Variants in IGF1R observed in about 807,000 individuals in gnomAD.
IGF1R encodes insulin like growth factor 1 receptor.
Under a neutral mutation model 144.6 loss-of-function variants are expected in IGF1R, and 44 were observed. The ratio of observed to expected loss-of-function variants is 0.30; its 90% CI spans 0.24 to 0.39. The LOEUF (loss-of-function observed/expected upper bound fraction) is 0.39, where lower values mean the gene tolerates loss of function less well. IGF1R is among the 10% of genes least tolerant of loss of function. The pLI is 1.00. For missense variants in IGF1R, 1,355 were observed against 1,833.7 expected (o/e 0.74, Z 4.77); for synonymous variants, 795 against 722.8 (o/e 1.10, Z -1.60).
chr15:98,752,813 A>G (rs1423055249), intron 2 of IGF1R, among the ~76,000 whole-genome samples: 1 of 152,250 alleles, frequency 6.6e-6, no homozygotes, highest in Non-Finnish European at 1.5e-5. Flanking sequence ...ACATAATTCA[A>G]TTTTAGTTAA....
Position 98,913,348 on chromosome 15 carries a change from C to T in IGF1R, c.1828+66C>T. ...CGCAAGCTCACTGGCCTTGCTTGTA[C>T]CAGGTGTCATTGTAGGGTTAGCAGT... is the stretch of plus-strand genomic sequence containing the variant. On this transcript the variant is annotated intron_variant, in intron 8 of 20. Transcript: ENST00000650285. 5 of 1,239,286 alleles carry T rather than the reference C, an allele frequency of 4.0e-6. No homozygotes were observed. The South Asian group carries it at 6.0e-5, about 15-fold the overall frequency. The allele number at this position is 1,239,286 out of a possible 1,614,324, so 76.8% of individuals were successfully genotyped here. A position where few individuals can be genotyped will look rare whatever the true frequency, so the allele number is the denominator to read the frequency against.
At chr15:98,666,668 G>C (rs533948821) in intron 1 of IGF1R, among the ~76,000 whole-genome samples, 3 of 152,168 alleles carry the variant, frequency 2.0e-5, no homozygotes, top group South Asian at 2.1e-4. Flanking sequence ...TTACCCTTAC[G>C]TGAGCTATGT....
intron 2 of IGF1R, among the ~76,000 whole-genome samples, chr15:98,794,873 T>C (rs1405512103): frequency 6.6e-6 from 1 of 152,220 alleles, no homozygotes; most frequent in Non-Finnish European, 1.5e-5. Context: ...CCACTGCTGC[T>C]GTGGACTTGA....
chr15:98,658,202 C>T (rs1172054619), intron 1 of IGF1R, among the ~76,000 whole-genome samples: 8 of 152,200 alleles, frequency 5.3e-5, no homozygotes, highest in Admixed American at 2.6e-4. Flanking sequence ...CAAGTTTTTG[C>T]TTCTGCTGTT....
intron 2 of IGF1R, among the ~76,000 whole-genome samples, chr15:98,863,085 T>C (rs918546652): frequency 4.6e-5 from 7 of 152,250 alleles, no homozygotes; most frequent in Non-Finnish European, 8.8e-5. Flanking sequence ...TGGGACGTTT[T>C]CCTGGGTTTT....
intron 1 of IGF1R, among the ~76,000 whole-genome samples, chr15:98,666,612 C>T (rs189901884): frequency 6.0e-4 from 91 of 152,150 alleles, no homozygotes; most frequent in African/African-American, 1.8e-3. Context: ...AGACACTCTG[C>T]GAAGTGAAAG....
At chr15:98,933,205 G>A (rs189292728) in intron 15 of IGF1R, among the ~76,000 whole-genome samples, 90 of 152,316 alleles carry the variant, frequency 5.9e-4, no homozygotes, top group African/African-American at 2.1e-3. Flanking sequence ...GGAACAGGTT[G>A]ATTTTATTTT....
chr15:98,957,634 C>G lies in IGF1R; in HGVS notation c.*192C>G, dbSNP rs2017059158. ...TTGGGATGTTCCTTTTTTCAATATG[C>G]AAGCAGCTTTTTATTCCCTGCCCAA... On this transcript the variant is annotated 3_prime_UTR_variant, in exon 21 of 21. Coordinates refer to ENST00000650285, the MANE Select transcript of IGF1R (RefSeq NM_000875.5). 3.0e-6 allele frequency: 2 copies of G among 674,910 alleles called. No individual in the cohort carries two copies. The highest frequency in any genetic ancestry group is 5.0e-6 in the Non-Finnish European group (2 of 398,344). The allele number at this position is 674,910 out of a possible 1,614,324, so 41.8% of individuals were successfully genotyped here. A position where few individuals can be genotyped will look rare whatever the true frequency, so the allele number is the denominator to read the frequency against.
At chr15:98,829,546 C>G (rs1162853210) in intron 2 of IGF1R, among the ~76,000 whole-genome samples, 1 of 152,134 alleles carries the variant, frequency 6.6e-6, no homozygotes, top group African/African-American at 2.4e-5. Context: ...GGGATGATGT[C>G]TGCTTTGCTT....
Position 98,964,377 on chromosome 15 carries a change from G to A in IGF1R, c.*6935G>A. The A allele has an allele frequency of 1.3e-5, 3 of 230,676 alleles. No homozygotes were observed. Among genetic ancestry groups the A allele is most frequent in the East Asian group, 6.3e-5 (1 of 15,992 alleles). The allele number at this position is 230,676 out of a possible 1,614,324, so 14.3% of individuals were successfully genotyped here. ...TATTCTGTTGTAAGAATTTATTCCT[G>A]TTATTGCGATATACTCTGGATTCTT... On this transcript the variant is annotated 3_prime_UTR_variant, in exon 21 of 21. Transcript: ENST00000650285.
At chr15:98,895,938 T>C (rs2014172857) in intron 3 of IGF1R, among the ~76,000 whole-genome samples, 1 of 152,178 alleles carries the variant, frequency 6.6e-6, no homozygotes, top group Admixed American at 6.5e-5. Context: ...TATATAACTA[T>C]AGATCCCAAA....
rs56896394 is a variant in IGF1R, at chr15:98,916,975, G to C, written c.2201+99G>C. 3.2e-4 allele frequency: 327 copies of C among 1,016,628 alleles called. 1 individual carries two copies. In the African/African-American group the frequency reaches 4.6e-3, roughly 14 times the overall value. 63.0% of individuals were successfully genotyped at this position (1,016,628 alleles called of 1,614,324 possible). ...AGGTAGTGTGTAAGTCAGCAGCTGG[G>C]GGGTACAATACAGTAGCCACTGAGA... On this transcript the variant is annotated intron_variant, in intron 10 of 20. Coordinates refer to ENST00000650285, the MANE Select transcript of IGF1R (RefSeq NM_000875.5).
intron 5 of IGF1R, among the ~76,000 whole-genome samples, chr15:98,908,279 T>C (rs745850558): frequency 1.3e-5 from 2 of 152,224 alleles, no homozygotes; most frequent in South Asian, 2.1e-4. Context: ...TGGGAGACTT[T>C]AGAGCAAAGT....
Position 98,711,471 on chromosome 15 carries a change from G to A in IGF1R, c.640+3364G>A, listed in dbSNP as rs2053991333. Among the ~76,000 whole-genome samples, 5 of 152,112 alleles carry A rather than the reference G, an allele frequency of 3.3e-5. No homozygotes were observed. The South Asian group carries it at 8.3e-4, about 25-fold the overall frequency. On this transcript the variant is annotated intron_variant, in intron 2 of 20. Coordinates refer to ENST00000650285, the MANE Select transcript of IGF1R (RefSeq NM_000875.5). ...AGTAGACTCTACTCCCTCTATGGAC[G>A]TGATCCCTCTGTGGGTTCTCTGCAC...
chr15:98,883,628 G>A (rs900601390), intron 2 of IGF1R, among the ~76,000 whole-genome samples: 2 of 152,194 alleles, frequency 1.3e-5, no homozygotes, highest in Admixed American at 1.3e-4. Context: ...ATTATTTTAC[G>A]AGGCGAGAGC....
chr15:98,916,831 G>A lies in IGF1R; in HGVS notation c.2156G>A (p.Arg719His), dbSNP rs544049409. Residue 719 changes from arginine (R) to histidine (H), a missense_variant, in exon 10 of 21, where the codon CGC becomes CAC. Physicochemically the swap from Arg to His is conservative, Grantham distance 29. Transcript: ENST00000650285. ...GCCGAGAAGGAGGAGGCTGAATACC[G>A]CAAAGTCTTTGAGAATTTCCTGCAC... Reference protein sequence around the residue: ...KQAEKEEAEYRKVFENFLHNS... With the variant: ...KQAEKEEAEYHKVFENFLHNS... The A allele has an allele frequency of 1.2e-6, 2 of 1,614,058 alleles. No individual in the cohort carries two copies. Among genetic ancestry groups the A allele is most frequent in the Non-Finnish European group, 1.7e-6 (2 of 1,180,010 alleles).
chr15:98,903,138 C>T (rs890236182), intron 5 of IGF1R, among the ~76,000 whole-genome samples: 36 of 152,120 alleles, frequency 2.4e-4, no homozygotes, highest in Non-Finnish European at 1.2e-4. Context: ...TTTTGTAATC[C>T]ACATGTACAC....
intron 2 of IGF1R, among the ~76,000 whole-genome samples, chr15:98,798,881 TACCAGCTGTTGCA>T (rs1421418889): frequency 1.3e-5 from 2 of 152,172 alleles, no homozygotes; most frequent in Non-Finnish European, 2.9e-5. Context: ...ACTTACTGTG[TACCAGCTGTTGCA>T]ACAGCCTCTC....
chr15:98,708,060 A>G lies in IGF1R; in HGVS notation c.593A>G (p.Asn198Ser), dbSNP rs1316625657. 2 of 1,614,092 alleles carry G rather than the reference A, an allele frequency of 1.2e-6. No individual in the cohort carries two copies. The highest frequency in any genetic ancestry group is 1.7e-6 in the Non-Finnish European group (2 of 1,180,002). ...CCGATGTGTGAGAAGACCACCATCA[A>G]CAATGAGTACAACTACCGCTGCTGG... ...EKPMCEKTTI[N>S]NEYNYRCWTT... Residue 198 changes from asparagine to serine, a missense_variant, in exon 2 of 21, where the codon AAC becomes AGC. Physicochemically the swap from Asn to Ser is conservative, Grantham distance 46 (BLOSUM62 1). Coordinates refer to ENST00000650285, the MANE Select transcript of IGF1R (RefSeq NM_000875.5).
Sources: gnomAD v4.1 joint callset for allele counts (sites outside exome capture counted in the v4.1 genomes callset) on GRCh38, gnomAD v4.1.1 for gene constraint, MANE v1.5 for transcripts, NCBI Gene and HGNC (gene_info 2026-07-23, HGNC 2026-07-21) for gene names.